ADCY10: variants seen among roughly 807,000 people sequenced by gnomAD.
ADCY10 encodes the protein adenylate cyclase type 10.
A neutral mutation model predicts 183.3 loss-of-function variants in ADCY10; 156 were observed. The observed-to-expected ratio is 0.85, with a 90% CI of 0.75 to 0.97. The LOEUF is 0.97. ADCY10 is among the 50% of genes least tolerant of loss of function. The pLI, the probability that ADCY10 is intolerant of heterozygous loss-of-function variation, is 0.00. For missense variants in ADCY10, 1,745 were observed against 1,934.3 expected, an observed-to-expected ratio of 0.90 and a Z score of 1.84; for synonymous variants, 645 against 670.0, an observed-to-expected ratio of 0.96 and a Z score of 0.58.
chr1:167,863,579 G>T (rs1295441648), intron 14 of ADCY10, among the ~76,000 whole-genome samples: 2 of 152,116 alleles, frequency 1.3e-5, no homozygotes, highest in African/African-American at 4.8e-5. Context: ...TACATTTCTT[G>T]GTTCCCTGAC....
At chr1:167,838,869 A>T (rs528121405) in intron 21 of ADCY10, among the ~76,000 whole-genome samples, 5 of 152,350 alleles carry the variant, frequency 3.3e-5, no homozygotes, top group African/African-American at 9.6e-5. Flanking sequence ...CATAGTAAGC[A>T]TCACTGTCAT....
chr1:167,861,312 T>C (rs1249948619), intron 14 of ADCY10, among the ~76,000 whole-genome samples: 2 of 152,180 alleles, frequency 1.3e-5, no homozygotes, highest in African/African-American at 2.4e-5. Flanking sequence ...ACTACCACAA[T>C]AGCAAGCCAC....
chr1:167,840,053 T>TA (rs576014779), intron 21 of ADCY10, among the ~76,000 whole-genome samples: 1,630 of 121,422 alleles, frequency 0.013, 8 homozygotes, highest in Non-Finnish European at 0.02. Flanking sequence ...GACCTGTCTA[T>TA]AAAAAAAAAA....
chr1:167,873,465 G>C (rs74120521), intron 13 of ADCY10, among the ~76,000 whole-genome samples: 5,690 of 152,230 alleles, frequency 0.037, 342 homozygotes, highest in African/African-American at 0.13. Context: ...CCTTGACACA[G>C]TTAGGACCAA....
At chr1:167,852,154 A>G (rs1044822718) in intron 18 of ADCY10, among the ~76,000 whole-genome samples, 2 of 152,086 alleles carry the variant, frequency 1.3e-5, no homozygotes, top group Non-Finnish European at 2.9e-5. Flanking sequence ...TAAAAAGCTC[A>G]TAACAGGGCC....
At chr1:167,904,032 G>A in intron 2 of ADCY10, 41 bp from the exon 3 acceptor site, 1 of 1,364,224 alleles carries the variant, frequency 7.3e-7, no homozygotes, top group Non-Finnish European at 1.0e-6. Flanking sequence ...CTGCTTGGGG[G>A]AATCAAACAG....
chr1:167,864,046 G>C (rs987153201), intron 14 of ADCY10, among the ~76,000 whole-genome samples: 1 of 152,182 alleles, frequency 6.6e-6, no homozygotes, highest in South Asian at 2.1e-4. Flanking sequence ...TGCCTGTTCC[G>C]GCACTTTGGT....
At chr1:167,855,939 G>T (rs1189790305) in intron 17 of ADCY10, among the ~76,000 whole-genome samples, 1 of 152,132 alleles carries the variant, frequency 6.6e-6, no homozygotes, top group Non-Finnish European at 1.5e-5. Flanking sequence ...GGAGGTCAAG[G>T]CTGCAGTGAG....
In ADCY10 at chr1:167,860,855, A is replaced by G; in HGVS notation, c.1809+16T>C. On this transcript the variant is annotated intron_variant, in intron 15 of 32. Transcript: ENST00000367851. ...CCCATGGCTATTTGTGCAGAAGTAT[A>G]ATACTAGCTAGTTACCTGAACATGG... The G allele has an allele frequency of 6.2e-7, 1 of 1,609,944 alleles. No individual in the cohort carries two copies. Among genetic ancestry groups the G allele is most frequent in the Non-Finnish European group, 8.5e-7 (1 of 1,176,202 alleles).
intron 13 of ADCY10, among the ~76,000 whole-genome samples, chr1:167,874,400 G>C (rs67444663): frequency 0.17 from 25,886 of 152,008 alleles, 2,553 homozygotes; most frequent in Middle Eastern, 0.24. Flanking sequence ...AACCACATCA[G>C]GGAAATACAA....
At chr1:167,912,483 G>A (rs888832130) in intron 1 of ADCY10, among the ~76,000 whole-genome samples, 2 of 152,212 alleles carry the variant, frequency 1.3e-5, no homozygotes, top group Non-Finnish European at 2.9e-5. Context: ...GGGTGAGAGG[G>A]CTAGCTTTTT....
At chr1:167,888,253 A>G (rs1668359184) in intron 8 of ADCY10, among the ~76,000 whole-genome samples, 1 of 151,540 alleles carries the variant, frequency 6.6e-6, no homozygotes, top group South Asian at 2.1e-4. Flanking sequence ...AGCTTTGGCT[A>G]CTCTGGGTCT....
intron 1 of ADCY10, among the ~76,000 whole-genome samples, chr1:167,910,146 G>A (rs773596818): frequency 2.2e-4 from 33 of 152,260 alleles, no homozygotes; most frequent in South Asian, 8.3e-4. Context: ...TCTTTAACCC[G>A]GGTGTCTAAG....
intron 12 of ADCY10, among the ~76,000 whole-genome samples, chr1:167,875,459 C>T (rs1341268099): frequency 6.6e-6 from 1 of 152,246 alleles, no homozygotes; most frequent in African/African-American, 2.4e-5. Flanking sequence ...AGAGAAACCC[C>T]TTTCTGGGGA....
intron 3 of ADCY10, among the ~76,000 whole-genome samples, chr1:167,902,479 C>T (rs72699712): frequency 2.0e-5 from 3 of 152,344 alleles, no homozygotes; most frequent in Non-Finnish European, 2.9e-5. Context: ...GGGAAAATCA[C>T]AACCATAGTC....
At chr1:167,838,864 T>G (rs1664417208) in intron 21 of ADCY10, among the ~76,000 whole-genome samples, 1 of 152,244 alleles carries the variant, frequency 6.6e-6, no homozygotes, top group Non-Finnish European at 1.5e-5. Context: ...CCTAACATAG[T>G]AAGCATCACT....
At chr1:167,894,600 A>T (rs925362491) in intron 7 of ADCY10, among the ~76,000 whole-genome samples, 5 of 151,764 alleles carry the variant, frequency 3.3e-5, no homozygotes, top group Admixed American at 2.6e-4. Context: ...CAGGGAAGAA[A>T]ATGATAATGT....
chr1:167,833,246 G>A (rs1571247631), intron 24 of ADCY10, 84 bp from the exon 25 acceptor site: 12 of 1,336,630 alleles, frequency 9.0e-6, no homozygotes, highest in Admixed American at 1.7e-5. Context: ...TCCATATTTT[G>A]GGGATTCTTA....
At chr1:167,844,710 GA>G (rs778095163) in intron 21 of ADCY10, among the ~76,000 whole-genome samples, 8 of 151,970 alleles carry the variant, frequency 5.3e-5, no homozygotes, top group African/African-American at 1.9e-4. Flanking sequence ...GAACGAATGA[GA>G]AAAAAAAGTT....
Sources: gnomAD v4.1 joint callset for allele counts (sites outside exome capture counted in the v4.1 genomes callset) on GRCh38, gnomAD v4.1.1 for gene constraint, MANE v1.5 for transcripts, NCBI Gene and HGNC (gene_info 2026-07-23, HGNC 2026-07-21) for gene names.